The following CTNND2 variants were observed in gnomAD, a reference collection of about 807,000 sequenced individuals.
CTNND2 encodes the protein catenin delta-2.
CTNND2 carries 22 observed loss-of-function variants against 144.4 expected under a neutral mutation model. The ratio of observed to expected loss-of-function variants is 0.15; its 90% CI spans 0.11 to 0.22. The LOEUF is 0.22. CTNND2 is among the 10% of genes least tolerant of loss of function. The probability of loss-of-function intolerance (pLI) is 1.00; values close to 1 mark genes in which losing one functional copy is unlikely to be tolerated. For missense variants in CTNND2, 1,353 were observed against 1,618.8 expected (o/e 0.84, Z 2.82); for synonymous variants, 751 against 695.6 (o/e 1.08, Z -1.25).
At chr5:11,227,688 AG>A (rs2149878327) in intron 10 of CTNND2, among the ~76,000 whole-genome samples, 1 of 152,310 alleles carries the variant, frequency 6.6e-6, no homozygotes, top group Non-Finnish European at 1.5e-5. Context: ...TGGAATAAAA[AG>A]TTATGGGGGA....
intron 10 of CTNND2, among the ~76,000 whole-genome samples, chr5:11,204,112 C>T (rs1228625944): frequency 6.6e-6 from 1 of 152,190 alleles, no homozygotes; most frequent in Non-Finnish European, 1.5e-5. Flanking sequence ...CGAGAGTAAT[C>T]TACAAGGAGT....
chr5:11,319,295 G>C (rs1751805557), intron 9 of CTNND2, among the ~76,000 whole-genome samples: 1 of 151,816 alleles, frequency 6.6e-6, no homozygotes, highest in Non-Finnish European at 1.5e-5. Flanking sequence ...CCAAGCCCAT[G>C]GTTTATACTC....
chr5:11,898,894 G>A (rs1204001528), intron 1 of CTNND2, among the ~76,000 whole-genome samples: 3 of 151,990 alleles, frequency 2.0e-5, no homozygotes, highest in South Asian at 2.1e-4. Context: ...AAGATACATC[G>A]AATCGTAATT....
chr5:11,450,898 CAAAAAAAAA>C (rs758941655), intron 3 of CTNND2, among the ~76,000 whole-genome samples: 2 of 81,492 alleles, frequency 2.5e-5, no homozygotes, highest in African/African-American at 5.2e-5. Flanking sequence ...AACTCCATCT[CAAAAAAAAA>C]AAAAAAAAAA....
chr5:11,878,662 T>TCTACACCTTTTCAGGTTATTA (rs1205412428), intron 1 of CTNND2, among the ~76,000 whole-genome samples: 1 of 152,180 alleles, frequency 6.6e-6, no homozygotes, highest in Admixed American at 6.5e-5. Flanking sequence ...AAATTCGGTG[T>TCTACACCTTTTCAGGTTATTA]CTACACCTTT....
At chr5:11,026,142 G>A (rs1467713976) in intron 16 of CTNND2, among the ~76,000 whole-genome samples, 2 of 152,072 alleles carry the variant, frequency 1.3e-5, no homozygotes, top group Non-Finnish European at 2.9e-5. Context: ...ACAGTCCCAG[G>A]GACAGAAAGG....
At chr5:11,756,405 T>C (rs1228642103) in intron 1 of CTNND2, among the ~76,000 whole-genome samples, 1 of 151,736 alleles carries the variant, frequency 6.6e-6, no homozygotes, top group Admixed American at 6.6e-5. Context: ...GTAACTCCAA[T>C]ATAAAATTCA....
At chr5:11,022,668 T>G (rs1742386259) in intron 17 of CTNND2, 101 bp downstream of exon 17, 1 of 856,494 alleles carries the variant, frequency 1.2e-6, no homozygotes, top group South Asian at 1.5e-5. Flanking sequence ...AGACAAATGC[T>G]TTCCAGTGAC....
At chr5:11,151,728 T>A (rs1307194659) in intron 12 of CTNND2, among the ~76,000 whole-genome samples, 1 of 152,184 alleles carries the variant, frequency 6.6e-6, no homozygotes, top group Non-Finnish European at 1.5e-5. Flanking sequence ...CAGAAATAAG[T>A]GATGAAAACT....
At chr5:11,427,497 C>T (rs1167400844) in intron 3 of CTNND2, among the ~76,000 whole-genome samples, 3 of 151,956 alleles carry the variant, frequency 2.0e-5, no homozygotes, top group African/African-American at 7.3e-5. Context: ...CTAGACTGGT[C>T]TCGGACTCCT....
chr5:11,030,440 T>C (rs1351715154), intron 16 of CTNND2, among the ~76,000 whole-genome samples: 1 of 148,034 alleles, frequency 6.8e-6, no homozygotes, highest in Non-Finnish European at 1.5e-5. Context: ...ATCTTTTTTC[T>C]TTCTGTTCTC....
intron 3 of CTNND2, among the ~76,000 whole-genome samples, chr5:11,525,116 C>T (rs891862261): frequency 2.0e-5 from 3 of 152,198 alleles, no homozygotes; most frequent in Non-Finnish European, 4.4e-5. Context: ...AACACATCTG[C>T]ATTCCTACCT....
chr5:11,546,992 G>A (rs2150078125), intron 3 of CTNND2, among the ~76,000 whole-genome samples: 1 of 152,270 alleles, frequency 6.6e-6, no homozygotes, highest in South Asian at 2.1e-4. Flanking sequence ...TTTAATATAG[G>A]TCAAGCACAG....
At position 11,829,401 on chromosome 5, in the gene CTNND2, C is replaced by T. The variant is rs193160588; in HGVS notation, c.37+74416G>A. On this transcript the variant is annotated intron_variant, in intron 1 of 21. Coordinates refer to ENST00000304623, the MANE Select transcript of CTNND2 (RefSeq NM_001332.4). ...TAGGAGGAAAAAGTGGTTTTCTGGG[C>T]CAGGCCCAGGGTCCCTATGCTGTGT... Among the ~76,000 whole-genome samples, 493 of 152,266 alleles carry T rather than the reference C, an allele frequency of 3.2e-3. 4 individuals are homozygous for T. Among genetic ancestry groups the T allele is most frequent in the Non-Finnish European group, 5.5e-3 (374 of 68,018 alleles).
chr5:11,668,747 A>T (rs1212702904), intron 2 of CTNND2, among the ~76,000 whole-genome samples: 1 of 152,092 alleles, frequency 6.6e-6, no homozygotes, highest in Admixed American at 6.5e-5. Flanking sequence ...CTAACTGGAT[A>T]CCCTGTATTT....
At chr5:11,437,511 T>C (rs1046659496) in intron 3 of CTNND2, among the ~76,000 whole-genome samples, 5 of 151,880 alleles carry the variant, frequency 3.3e-5, no homozygotes, top group Non-Finnish European at 1.5e-5. Context: ...ATGGAAGAAA[T>C]GCCAACGGAG....
Position 11,494,473 on chromosome 5 carries a change from GA to G in CTNND2, c.287+70470del, listed in dbSNP as rs199712005. Among the ~76,000 whole-genome samples the G allele has an allele frequency of 1.8e-3, 280 of 151,432 alleles. 7 individuals carry two copies. In the East Asian group the frequency reaches 0.046, roughly 25 times the overall value. On this transcript the variant is annotated intron_variant, in intron 3 of 21. Transcript: ENST00000304623. ...AAACGTGTGTGAGTGGTATTTGAAA[GA>G]AAAAAAAATTTGAAATAAAATAAAT...
chr5:11,611,859 C>T (rs1327609077), intron 2 of CTNND2, among the ~76,000 whole-genome samples: 1 of 152,208 alleles, frequency 6.6e-6, no homozygotes, highest in Non-Finnish European at 1.5e-5. Context: ...TTCTCTTCTG[C>T]ATCTCTCACT....
At chr5:11,143,205 C>A (rs183128371) in intron 12 of CTNND2, among the ~76,000 whole-genome samples, 1 of 152,192 alleles carries the variant, frequency 6.6e-6, no homozygotes, top group Admixed American at 6.5e-5. Flanking sequence ...AAAGGTGAAC[C>A]TCTTTTCCTA....
Sources: allele counts gnomAD v4.1 joint callset (sites outside exome capture counted in the v4.1 genomes callset), GRCh38; gene constraint gnomAD v4.1.1; transcripts MANE v1.5; gene names NCBI Gene and HGNC (gene_info 2026-07-23, HGNC 2026-07-21).